The following TSPEAR variants were observed in gnomAD, a reference collection of about 807,000 sequenced individuals.
TSPEAR encodes the protein thrombospondin-type laminin G domain and EAR repeat-containing protein.
A neutral mutation model predicts 71.6 loss-of-function variants in TSPEAR; 69 were observed. That is an observed-to-expected ratio of 0.96 (90% confidence interval 0.79 to 1.18). The LOEUF (loss-of-function observed/expected upper bound fraction) is 1.18. Ranked by LOEUF, TSPEAR falls within the 50% of genes most tolerant of loss-of-function variation. TSPEAR has a pLI of 0.00. For synonymous variants in TSPEAR, 402 were observed against 387.2 expected, an observed-to-expected ratio of 1.04 and a Z score of -0.45; for missense variants, 971 against 894.9, an observed-to-expected ratio of 1.09 and a Z score of -1.09.
At chr21:44,650,594 G>A (rs1555941236) in intron 1 of TSPEAR, among the ~76,000 whole-genome samples, 3 of 152,232 alleles carry the variant, frequency 2.0e-5, no homozygotes, top group African/African-American at 7.2e-5. Context: ...TCACCACCAT[G>A]GAAGGAACCA....
At chr21:44,626,708 G>T (rs1249995262) in intron 1 of TSPEAR, among the ~76,000 whole-genome samples, 1 of 152,162 alleles carries the variant, frequency 6.6e-6, no homozygotes, top group African/African-American at 2.4e-5. Context: ...TTGCACCACA[G>T]GAAATAATTC....
intron 1 of TSPEAR, chr21:44,658,072 G>A: frequency 6.2e-7 from 1 of 1,613,992 alleles, no homozygotes; most frequent in Non-Finnish European, 8.5e-7. Context: ...TGAGCTGCCA[G>A]TCCTCCGTGT....
intron 1 of TSPEAR, chr21:44,702,725 T>A: frequency 6.8e-7 from 1 of 1,460,328 alleles, no homozygotes; most frequent in Non-Finnish European, 9.6e-7. Flanking sequence ...GCCTCCTGCG[T>A]GTCCCTCCTC....
intron 1 of TSPEAR, among the ~76,000 whole-genome samples, chr21:44,595,828 A>T (rs1555927551): frequency 6.6e-6 from 1 of 152,132 alleles, no homozygotes; most frequent in Non-Finnish European, 1.5e-5. Context: ...ATTATGTCAT[A>T]CTCTACCCAC....
intron 1 of TSPEAR, among the ~76,000 whole-genome samples, chr21:44,652,616 T>C (rs1331451234): frequency 2.0e-5 from 3 of 152,136 alleles, no homozygotes; most frequent in African/African-American, 7.2e-5. Context: ...TAGGAATGGC[T>C]TCATGTGTAA....
intron 11 of TSPEAR, 72 bp from the exon 12 acceptor site, chr21:44,500,008 C>G: frequency 6.8e-7 from 1 of 1,480,484 alleles, no homozygotes; most frequent in Non-Finnish European, 9.0e-7. Context: ...GGCTCCCACC[C>G]GCGCTGTCAG....
At chr21:44,680,196 C>A (rs587607857) in intron 1 of TSPEAR, among the ~76,000 whole-genome samples, 1 of 152,048 alleles carries the variant, frequency 6.6e-6, no homozygotes, top group South Asian at 2.1e-4. Flanking sequence ...ACAACAACAA[C>A]AAAACAAATA....
intron 2 of TSPEAR, among the ~76,000 whole-genome samples, chr21:44,552,467 T>G (rs797039973): frequency 1.6e-4 from 24 of 152,196 alleles, no homozygotes; most frequent in African/African-American, 5.8e-4. Context: ...TGGGACGGGC[T>G]TTCATGGTGG....
intron 1 of TSPEAR, chr21:44,637,768 T>C (rs1983721735): frequency 7.4e-7 from 1 of 1,355,116 alleles, no homozygotes. Context: ...GCTTCGTGCC[T>C]ACCTGCTCCG....
intron 1 of TSPEAR, chr21:44,573,699 C>A: frequency 6.3e-7 from 1 of 1,577,848 alleles, no homozygotes. Flanking sequence ...ACCTCACTCA[C>A]TCGCTCACCC....
At chr21:44,558,627 G>A (rs377599185) in intron 2 of TSPEAR, 6 of 1,611,448 alleles carry the variant, frequency 3.7e-6, no homozygotes, top group East Asian at 2.2e-5. Context: ...GGCGCAGCAG[G>A]GGGGCTCACA....
chr21:44,527,605 C>A, intron 6 of TSPEAR, 87 bp from the exon 7 acceptor site: 1 of 1,328,716 alleles, frequency 7.5e-7, no homozygotes. Context: ...TCCCAAGCCC[C>A]AAGTCACAAG....
intron 1 of TSPEAR, among the ~76,000 whole-genome samples, chr21:44,617,495 T>C (rs1184280801): frequency 6.6e-6 from 1 of 152,182 alleles, no homozygotes; most frequent in Non-Finnish European, 1.5e-5. Flanking sequence ...GAGAAACACA[T>C]GGACACACAG....
At position 44,638,046 on chromosome 21, in the gene TSPEAR, G is replaced by T. The variant is rs1267753587; in HGVS notation, c.83-70041C>A. 1.9e-6 allele frequency: 3 copies of T among 1,613,194 alleles called. No individual in the cohort carries two copies. In the African/African-American group the frequency reaches 4.0e-5, roughly 22 times the overall value. On this transcript the variant is annotated intron_variant, in intron 1 of 11. Transcript: ENST00000323084. ...TGCTGCGTGCCCGTCCCCTCCTGCGGTGCCTCTGCCTCCTCCTGCCAGCCC... is the reference window on the plus strand; with the variant it reads ...TGCTGCGTGCCCGTCCCCTCCTGCGTTGCCTCTGCCTCCTCCTGCCAGCCC...
At position 44,521,956 on chromosome 21, in the gene TSPEAR, C is replaced by A. The variant is rs782040120; in HGVS notation, c.1493G>T (p.Gly498Val). 414 of 1,613,918 alleles carry A rather than the reference C, an allele frequency of 2.6e-4. 1 individual carries two copies. Among genetic ancestry groups the A allele is most frequent in the Non-Finnish European group, 3.2e-4 (383 of 1,179,998 alleles). ...GTGCGAGTGCACCTTGGTGGAGGTGCCGTTGAAGGTGTTGGCCACCACCAG... is the reference window on the plus strand; with the variant it reads ...GTGCGAGTGCACCTTGGTGGAGGTGACGTTGAAGGTGTTGGCCACCACCAG... ...SFLVVANTFN[G>V]TSTKVHSHLY... is the part of the protein sequence containing the mutation. Residue 498 changes from glycine (G) to valine (V), a missense_variant, in exon 9 of 12, where the codon GGC becomes GTC. Coordinates refer to ENST00000323084, the MANE Select transcript of TSPEAR (RefSeq NM_144991.3).
intron 1 of TSPEAR, among the ~76,000 whole-genome samples, chr21:44,662,787 A>T (rs782512172): frequency 1.3e-5 from 2 of 152,224 alleles, no homozygotes; most frequent in African/African-American, 2.4e-5. Context: ...AAAGAAATTC[A>T]ATTAGACATT....
intron 1 of TSPEAR, among the ~76,000 whole-genome samples, chr21:44,645,777 G>C (rs1342248189): frequency 2.6e-5 from 4 of 152,108 alleles, no homozygotes; most frequent in Non-Finnish European, 4.4e-5. Flanking sequence ...AACAGGATAG[G>C]TGGAAACAGA....
chr21:44,665,938 G>A (rs1292377871), intron 1 of TSPEAR, among the ~76,000 whole-genome samples: 3 of 152,212 alleles, frequency 2.0e-5, no homozygotes, highest in African/African-American at 7.2e-5. Flanking sequence ...GGAGTGGACA[G>A]CCAGTGGGGA....
chr21:44,628,793 A>G (rs1182014687), intron 1 of TSPEAR, among the ~76,000 whole-genome samples: 3 of 152,046 alleles, frequency 2.0e-5, no homozygotes, highest in Non-Finnish European at 1.5e-5. Context: ...CAGGAGTTCC[A>G]CTCGGAGAGA....
Sources: allele counts gnomAD v4.1 joint callset (sites outside exome capture counted in the v4.1 genomes callset), GRCh38; gene constraint gnomAD v4.1.1; transcripts MANE v1.5; gene names NCBI Gene and HGNC (gene_info 2026-07-23, HGNC 2026-07-21).